EYS: variants seen among roughly 807,000 people sequenced by gnomAD.
EYS encodes the protein EGF-like photoreceptor maintenance factor.
EYS carries 250 observed loss-of-function variants against 282.1 expected under a neutral mutation model. The observed-to-expected ratio is 0.89, with a 90% CI of 0.80 to 0.98. The LOEUF (loss-of-function observed/expected upper bound fraction) is 0.98, where lower values mean the gene tolerates loss of function less well. Ranked by LOEUF, EYS falls within the 50% of genes least tolerant of loss-of-function variation. The pLI is 0.00. For synonymous variants in EYS, 1,355 were observed against 1,282.9 expected (o/e 1.06, Z -1.20); for missense variants, 4,016 against 3,709.0 (o/e 1.08, Z -2.15).
At chr6:64,453,433 G>C (rs1226092782) in intron 26 of EYS, among the ~76,000 whole-genome samples, 1 of 152,182 alleles carries the variant, frequency 6.6e-6, no homozygotes, top group Non-Finnish European at 1.5e-5. Flanking sequence ...TTCAACCATT[G>C]TGGAAGTCAG....
At chr6:65,616,457 A>G (rs1424860454) in intron 2 of EYS, among the ~76,000 whole-genome samples, 4 of 150,714 alleles carry the variant, frequency 2.7e-5, no homozygotes, top group Non-Finnish European at 4.4e-5. Flanking sequence ...TGAACCAGAG[A>G]ATTTAATATG....
intron 22 of EYS, among the ~76,000 whole-genome samples, chr6:64,643,243 C>T (rs1019465722): frequency 2.0e-5 from 3 of 152,102 alleles, no homozygotes; most frequent in Non-Finnish European, 4.4e-5. Context: ...GTATAATTGG[C>T]ATCTAAATTT....
intron 29 of EYS, among the ~76,000 whole-genome samples, chr6:64,354,330 C>T (rs758389775): frequency 1.3e-4 from 20 of 151,554 alleles, no homozygotes; most frequent in Non-Finnish European, 2.7e-4. Flanking sequence ...AAAAATTACT[C>T]CCACAAGCGC....
intron 22 of EYS, among the ~76,000 whole-genome samples, chr6:64,650,784 T>G (rs1267725739): frequency 6.6e-6 from 1 of 152,102 alleles, no homozygotes; most frequent in African/African-American, 2.4e-5. Context: ...TTTTCACATC[T>G]ACCTACAAAC....
intron 30 of EYS, among the ~76,000 whole-genome samples, chr6:64,289,145 G>T (rs1382690362): frequency 6.6e-6 from 1 of 151,946 alleles, no homozygotes; most frequent in African/African-American, 2.4e-5. Flanking sequence ...TATCAATCAT[G>T]ACTTCCCACC....
At chr6:64,060,205 AG>A (rs1162201609) in intron 33 of EYS, among the ~76,000 whole-genome samples, 1 of 152,168 alleles carries the variant, frequency 6.6e-6, no homozygotes, top group Non-Finnish European at 1.5e-5. Context: ...ACATGTGAAA[AG>A]TTTTTATATA....
chr6:64,681,990 A>G (rs1054137907), intron 22 of EYS, among the ~76,000 whole-genome samples: 2 of 152,186 alleles, frequency 1.3e-5, no homozygotes, highest in African/African-American at 4.8e-5. Context: ...GCCTCAAGGA[A>G]CGTGAAATGA....
At chr6:64,140,127 T>A (rs78381005) in intron 31 of EYS, among the ~76,000 whole-genome samples, 12,727 of 151,902 alleles carry the variant, frequency 0.084, 1,663 homozygotes, top group African/African-American at 0.28. Context: ...TGAAAAGGGG[T>A]GGTAATTAAT....
chr6:65,679,020 G>A (rs1768728730), intron 1 of EYS, among the ~76,000 whole-genome samples: 1 of 151,948 alleles, frequency 6.6e-6, no homozygotes. Context: ...AATCAGAGAG[G>A]ATGTGAATAC....
chr6:65,399,133 T>A (rs78882524), intron 7 of EYS, among the ~76,000 whole-genome samples: 8,947 of 152,112 alleles, frequency 0.059, 395 homozygotes, highest in African/African-American at 0.12. Context: ...AACATACACC[T>A]ACACTCTATT....
chr6:64,103,599 G>C (rs1413203857), intron 31 of EYS, among the ~76,000 whole-genome samples: 1 of 152,152 alleles, frequency 6.6e-6, no homozygotes, highest in Non-Finnish European at 1.5e-5. Context: ...GAGCTAGAAA[G>C]AGAGGTAGGA....
At chr6:64,949,530 T>A (rs1214074587) in intron 14 of EYS, among the ~76,000 whole-genome samples, 1 of 151,898 alleles carries the variant, frequency 6.6e-6, no homozygotes, top group Non-Finnish European at 1.5e-5. Flanking sequence ...TACCTCTTGT[T>A]TTGTTAAAGG....
At chr6:63,830,342 T>C (rs559201859) in intron 36 of EYS, among the ~76,000 whole-genome samples, 57 of 152,280 alleles carry the variant, frequency 3.7e-4, no homozygotes, top group Admixed American at 1.3e-3. Context: ...GACGAATGGC[T>C]AAGTAGAATA....
intron 31 of EYS, among the ~76,000 whole-genome samples, chr6:64,113,475 C>A (rs1383226550): frequency 6.6e-6 from 1 of 152,128 alleles, no homozygotes; most frequent in Non-Finnish European, 1.5e-5. Context: ...GTACAAGGAA[C>A]AATCTCTAGT....
intron 41 of EYS, among the ~76,000 whole-genome samples, chr6:63,743,908 C>T (rs1769145169): frequency 6.6e-6 from 1 of 152,114 alleles, no homozygotes; most frequent in African/African-American, 2.4e-5. Flanking sequence ...GGGTGAGGTC[C>T]CTGACAGGAG....
chr6:65,253,845 A>G (rs1216677422), intron 12 of EYS, among the ~76,000 whole-genome samples: 1 of 151,768 alleles, frequency 6.6e-6, no homozygotes, highest in Admixed American at 6.6e-5. Context: ...GTAGTGACTT[A>G]GTCAAACTCT....
intron 29 of EYS, among the ~76,000 whole-genome samples, chr6:64,329,708 G>A (rs763924557): frequency 6.6e-6 from 1 of 152,064 alleles, no homozygotes; most frequent in African/African-American, 2.4e-5. Context: ...TTAAATTTGG[G>A]ATAATAGAAA....
At chr6:63,727,635 C>G (rs1768660688) in intron 41 of EYS, among the ~76,000 whole-genome samples, 1 of 125,678 alleles carries the variant, frequency 8.0e-6, no homozygotes, top group African/African-American at 3.1e-5. Context: ...CTTTGGGAGG[C>G]TGAGGCTGGA....
intron 8 of EYS, among the ~76,000 whole-genome samples, chr6:65,381,862 C>A (rs1254331343): frequency 6.6e-6 from 1 of 151,754 alleles, no homozygotes; most frequent in Non-Finnish European, 1.5e-5. Context: ...TTTTAAAAAT[C>A]AGAATTTTAT....
Sources: allele counts gnomAD v4.1 joint callset (sites outside exome capture counted in the v4.1 genomes callset), GRCh38; gene constraint gnomAD v4.1.1; transcripts MANE v1.5; gene names NCBI Gene and HGNC (gene_info 2026-07-23, HGNC 2026-07-21).